The following CEP152 variants were observed in gnomAD, a reference collection of about 807,000 sequenced individuals.
CEP152 encodes centrosomal protein of 152 kDa.
Under a neutral mutation model 188.9 loss-of-function variants are expected in CEP152, and 132 were observed. The ratio of observed to expected loss-of-function variants is 0.70; its 90% CI spans 0.61 to 0.81. CEP152 has a LOEUF of 0.81. Among genes scored for constraint, CEP152 ranks in the 30% least tolerant of loss-of-function variants. CEP152 has a pLI of 0.00. For synonymous variants in CEP152, 649 were observed against 666.6 expected, an observed-to-expected ratio of 0.97 and a Z score of 0.41; for missense variants, 1,914 against 1,969.8, an observed-to-expected ratio of 0.97 and a Z score of 0.54.
intron 19 of CEP152, among the ~76,000 whole-genome samples, chr15:48,758,718 C>CAAA (rs869223881): frequency 0.12 from 8,172 of 70,322 alleles, 907 homozygotes; most frequent in East Asian, 0.33. Flanking sequence ...GACTCCATCT[C>CAAA]AAAAAAAAAA....
intron 15 of CEP152, among the ~76,000 whole-genome samples, chr15:48,767,975 A>G (rs1402886659): frequency 6.6e-6 from 1 of 152,204 alleles, no homozygotes; most frequent in Non-Finnish European, 1.5e-5. Context: ...TTAACCTATA[A>G]TATTTCAGTG....
At chr15:48,795,926 C>T in intron 6 of CEP152, 84 bp downstream of exon 6, 1 of 1,252,770 alleles carries the variant, frequency 8.0e-7, no homozygotes, top group Non-Finnish European at 1.2e-6. Flanking sequence ...AATAATAATT[C>T]TTGAATGTGC....
intron 26 of CEP152, chr15:48,741,298 T>G (rs1892956913): frequency 5.0e-6 from 6 of 1,190,916 alleles, no homozygotes; most frequent in Non-Finnish European, 6.3e-6. Flanking sequence ...CCTGGCCCAC[T>G]GCAACTTTTT....
chr15:48,772,473 T>C lies in CEP152; in HGVS notation c.1782+14A>G, dbSNP rs749474740. On this transcript the variant is annotated intron_variant, in intron 13 of 26. Coordinates refer to ENST00000380950, the MANE Select transcript of CEP152 (RefSeq NM_001194998.2). The stretch of plus-strand genomic sequence containing the variant: ...TTTTAAAAATGGTTTTTTAACTCTA[T>C]AGGCTTTACATACCTCAACCTCAAT... 1.2e-6 allele frequency: 2 copies of C among 1,606,424 alleles called. No homozygotes were observed. The highest frequency in any genetic ancestry group is 1.1e-5 in the South Asian group (1 of 91,018).
intron 2 of CEP152, among the ~76,000 whole-genome samples, chr15:48,804,022 T>G (rs1897829295): frequency 1.3e-5 from 2 of 152,214 alleles, no homozygotes; most frequent in African/African-American, 4.8e-5. Context: ...ACCAGGGTCA[T>G]AAACTCAAAT....
At chr15:48,797,890 A>T in intron 3 of CEP152, 58 bp downstream of exon 3, 2 of 1,514,530 alleles carry the variant, frequency 1.3e-6, no homozygotes, top group Non-Finnish European at 1.8e-6. Flanking sequence ...AATCTTCATC[A>T]AAAGAAAAAG....
At chr15:48,775,877 G>C (rs1367279985) in intron 12 of CEP152, among the ~76,000 whole-genome samples, 2 of 151,882 alleles carry the variant, frequency 1.3e-5, no homozygotes, top group African/African-American at 4.8e-5. Flanking sequence ...TATTCTTTAA[G>C]TGGGTGTCTT....
chr15:48,793,101 C>A (rs1048482274), intron 7 of CEP152, among the ~76,000 whole-genome samples: 2 of 152,138 alleles, frequency 1.3e-5, no homozygotes, highest in Non-Finnish European at 2.9e-5. Flanking sequence ...GGATTACAGG[C>A]GTAAGCCACC....
intron 12 of CEP152, among the ~76,000 whole-genome samples, chr15:48,776,206 T>C (rs938425675): frequency 6.6e-6 from 1 of 152,138 alleles, no homozygotes; most frequent in Non-Finnish European, 1.5e-5. Flanking sequence ...ATATTTATGT[T>C]CCATGTTTTT....
intron 25 of CEP152, 106 bp downstream of exon 25, chr15:48,741,841 G>A: frequency 6.2e-7 from 1 of 1,610,152 alleles, no homozygotes; most frequent in Non-Finnish European, 8.5e-7. Context: ...AACCCCCTAT[G>A]GCTGATCATG....
At chr15:48,797,926 G>C (rs1272641045) in intron 3 of CEP152, 22 bp downstream of exon 3, 7 of 1,592,722 alleles carry the variant, frequency 4.4e-6, no homozygotes, top group Non-Finnish European at 6.0e-6. Context: ...ATATACAAGT[G>C]AAAGTGACTT....
intron 12 of CEP152, among the ~76,000 whole-genome samples, 183 bp from the exon 13 acceptor site, chr15:48,772,874 T>C (rs1324527234): frequency 6.6e-6 from 1 of 152,218 alleles, no homozygotes; most frequent in African/African-American, 2.4e-5. Flanking sequence ...TGTCTCTATA[T>C]ACAGAAATAC....
At chr15:48,776,223 G>C (rs1895890665) in intron 12 of CEP152, among the ~76,000 whole-genome samples, 2 of 151,884 alleles carry the variant, frequency 1.3e-5, no homozygotes, top group Admixed American at 6.6e-5. Flanking sequence ...TTTTTATATG[G>C]TATATTTCAT....
At position 48,738,295 on chromosome 15, in the gene CEP152, C is replaced by T. The variant is rs1892706413; in HGVS notation, c.5087G>A (p.Ser1696Asn). Residue 1696 changes from serine (S) to asparagine (N), a missense_variant, in exon 27 of 27, where the codon AGC (serine) becomes AAC (asparagine). By Grantham distance (46) the Ser-to-Asn change is conservative. Transcript: ENST00000380950. ...GCTATCAAAGCCACTATCTTGTTGGCTAGATAGCGGAACAATTAATTTTCT... is the reference window on the plus strand; with the variant it reads ...GCTATCAAAGCCACTATCTTGTTGGTTAGATAGCGGAACAATTAATTTTCT... ...PSRKLIVPLSSQQDSGFDSPF... is the reference protein window; with the variant it reads ...PSRKLIVPLSNQQDSGFDSPF... 3 of 1,613,808 alleles carry T rather than the reference C, an allele frequency of 1.9e-6. No individual in the cohort carries two copies. Among genetic ancestry groups the T allele is most frequent in the Admixed American group, 1.7e-5 (1 of 60,002 alleles).
At chr15:48,771,306 G>A (rs959292006) in intron 13 of CEP152, among the ~76,000 whole-genome samples, 6 of 152,150 alleles carry the variant, frequency 3.9e-5, no homozygotes, top group Non-Finnish European at 5.9e-5. Context: ...TTCATTTTCC[G>A]AACTGAAGAA....
In CEP152 at chr15:48,772,609, G is replaced by C; in HGVS notation, c.1660C>G (p.Leu554Val). ...LKLKAEVQRL[L>V]GSNSMKRHLV... is the part of the protein sequence containing the mutation. ...TGACGCTTCATTGAGTTGCTACCCA[G>C]CAAACGCTGTACTTCTGCCTTTAAC... Residue 554 changes from leucine (L) to valine (V), a missense_variant, in exon 13 of 27, where the codon CTG (leucine) becomes GTG (valine). Leu to Val is a conservative substitution (Grantham distance 32). Coordinates refer to ENST00000380950, the MANE Select transcript of CEP152 (RefSeq NM_001194998.2). 1 of 1,614,048 alleles carries C rather than the reference G, an allele frequency of 6.2e-7. No homozygotes were observed. Among genetic ancestry groups the C allele is most frequent in the Non-Finnish European group, 8.5e-7 (1 of 1,179,988 alleles).
Position 48,796,280 on chromosome 15 carries a change from TTA to T in CEP152, c.541-122_541-121del, listed in dbSNP as rs572514146. ...TACTTTTGGTACAGTTCAAAGTTGT[TTA>T]TATATATACACACACACACACACAC... is the stretch of plus-strand genomic sequence containing the variant. On this transcript the variant is annotated intron_variant, in intron 5 of 26. Transcript: ENST00000380950. 3.6e-3 allele frequency: 3,048 copies of T among 842,108 alleles called. 34 individuals are homozygous for T. Among genetic ancestry groups the T allele is most frequent in the African/African-American group, 0.02 (1,054 of 53,022 alleles). 52.2% of individuals were successfully genotyped at this position (842,108 alleles called of 1,614,324 possible).
intron 17 of CEP152, among the ~76,000 whole-genome samples, 192 bp from the exon 18 acceptor site, chr15:48,762,864 G>A (rs918596146): frequency 6.6e-6 from 1 of 152,028 alleles, no homozygotes; most frequent in Non-Finnish European, 1.5e-5. Flanking sequence ...GTTACTCTTT[G>A]AACTTAACTA....
intron 17 of CEP152, among the ~76,000 whole-genome samples, chr15:48,766,392 C>T (rs1895095789): frequency 6.6e-6 from 1 of 152,168 alleles, no homozygotes; most frequent in Non-Finnish European, 1.5e-5. Flanking sequence ...TGTTAAGGCA[C>T]TGGGCCAGGA....
Sources: gnomAD v4.1 joint callset for allele counts (sites outside exome capture counted in the v4.1 genomes callset) on GRCh38, gnomAD v4.1.1 for gene constraint, MANE v1.5 for transcripts, NCBI Gene and HGNC (gene_info 2026-07-23, HGNC 2026-07-21) for gene names.